DLG2: variants seen among roughly 807,000 people sequenced by gnomAD.
DLG2 encodes discs large MAGUK scaffold protein 2.
In DLG2, 45 loss-of-function variants were observed where a neutral mutation model predicts 132.5. The observed-to-expected ratio is 0.34, with a 90% confidence interval of 0.27 to 0.44. The LOEUF (loss-of-function observed/expected upper bound fraction) is 0.44. Ranked by LOEUF, DLG2 falls within the 20% of genes least tolerant of loss-of-function variation. DLG2 has a pLI of 1.00. For synonymous variants in DLG2, 424 were observed against 419.6 expected (o/e 1.01, Z -0.13); for missense variants, 1,045 against 1,196.9 (o/e 0.87, Z 1.87).
At chr11:84,915,886 A>G (rs574336697) in intron 6 of DLG2, among the ~76,000 whole-genome samples, 118 of 152,214 alleles carry the variant, frequency 7.8e-4, no homozygotes, top group Admixed American at 1.4e-3. Context: ...AAAAATACAT[A>G]TAAGAGACAC....
At chr11:84,183,775 T>A (rs12791194) in intron 8 of DLG2, among the ~76,000 whole-genome samples, 9,814 of 152,098 alleles carry the variant, frequency 0.065, 389 homozygotes, top group African/African-American at 0.1. Context: ...CCTTCCTGTG[T>A]CCATGTGTTC....
At chr11:85,070,523 C>G (rs2065685021) in intron 6 of DLG2, among the ~76,000 whole-genome samples, 1 of 151,668 alleles carries the variant, frequency 6.6e-6, no homozygotes, top group African/African-American at 2.4e-5. Flanking sequence ...AACCAATGCA[C>G]AATATATTCA....
chr11:84,766,359 T>C (rs973304465), intron 6 of DLG2, among the ~76,000 whole-genome samples: 1 of 152,048 alleles, frequency 6.6e-6, no homozygotes, highest in African/African-American at 2.4e-5. Context: ...TAATTTTACA[T>C]CTATTTGAAA....
intron 6 of DLG2, among the ~76,000 whole-genome samples, chr11:84,743,315 G>A: frequency 6.6e-6 from 1 of 152,074 alleles, no homozygotes; most frequent in Non-Finnish European, 1.5e-5. Context: ...TAAAAATCAA[G>A]AAGTTATCTA....
At chr11:85,287,877 A>T (rs567556721) in intron 3 of DLG2, among the ~76,000 whole-genome samples, 70 of 152,274 alleles carry the variant, frequency 4.6e-4, no homozygotes, top group African/African-American at 1.5e-3. Flanking sequence ...AGCAAGTTGC[A>T]ATATGAAAAA....
chr11:84,182,551 GA>G (rs1212164350), intron 8 of DLG2, among the ~76,000 whole-genome samples: 1 of 141,972 alleles, frequency 7.0e-6, no homozygotes, highest in African/African-American at 2.7e-5. Flanking sequence ...AAAAGAAAAA[GA>G]AAAAGAATAG....
chr11:84,474,019 G>A (rs766487132), intron 7 of DLG2, among the ~76,000 whole-genome samples: 12 of 151,938 alleles, frequency 7.9e-5, no homozygotes, highest in Non-Finnish European at 1.3e-4. Flanking sequence ...ATGTCATCCT[G>A]CCACAATGAG....
intron 3 of DLG2, among the ~76,000 whole-genome samples, chr11:85,392,124 G>A (rs1175547418): frequency 5.3e-5 from 8 of 151,976 alleles, no homozygotes. Context: ...AAAATTAGTG[G>A]CTCTGCTATA....
At chr11:83,735,949 A>G (rs2091838929) in intron 18 of DLG2, among the ~76,000 whole-genome samples, 1 of 152,206 alleles carries the variant, frequency 6.6e-6, no homozygotes, top group African/African-American at 2.4e-5. Context: ...AACTCCAGCA[A>G]CATCCAGAAA....
intron 3 of DLG2, among the ~76,000 whole-genome samples, chr11:85,336,785 T>G (rs1194489161): frequency 6.6e-6 from 1 of 152,228 alleles, no homozygotes; most frequent in Non-Finnish European, 1.5e-5. Flanking sequence ...CTGAGCAATT[T>G]TGGTCTTATG....
intron 3 of DLG2, among the ~76,000 whole-genome samples, chr11:85,374,493 C>G (rs550034264): frequency 6.6e-6 from 1 of 152,288 alleles, no homozygotes; most frequent in East Asian, 1.9e-4. Context: ...TGTCCTACAG[C>G]CACACCTGGC....
intron 3 of DLG2, among the ~76,000 whole-genome samples, chr11:85,451,786 G>A (rs1597439285): frequency 1.3e-5 from 2 of 152,258 alleles, no homozygotes; most frequent in South Asian, 2.1e-4. Flanking sequence ...TTGGCCCCAA[G>A]CAATCCTCTT....
chr11:84,092,672 G>A (rs2097109537), intron 10 of DLG2, among the ~76,000 whole-genome samples: 1 of 152,036 alleles, frequency 6.6e-6, no homozygotes. Context: ...ACTTTATATT[G>A]GCTATGATTT....
intron 14 of DLG2, among the ~76,000 whole-genome samples, chr11:83,946,326 A>G (rs541668108): frequency 4.4e-4 from 67 of 152,282 alleles, no homozygotes; most frequent in African/African-American, 1.5e-3. Flanking sequence ...CAAAGACACA[A>G]TGAATTTAAG....
intron 3 of DLG2, among the ~76,000 whole-genome samples, chr11:85,429,532 C>A (rs1362977944): frequency 6.6e-6 from 1 of 152,018 alleles, no homozygotes; most frequent in Non-Finnish European, 1.5e-5. Flanking sequence ...ACAACCCCAC[C>A]AAAAAGTGGG....
chr11:85,222,785 A>T (rs1392760263), intron 4 of DLG2, among the ~76,000 whole-genome samples: 2 of 152,184 alleles, frequency 1.3e-5, no homozygotes, highest in African/African-American at 2.4e-5. Flanking sequence ...ATTGTACCAC[A>T]TTGCCTTCTG....
intron 16 of DLG2, among the ~76,000 whole-genome samples, chr11:83,853,644 G>T (rs543864250): frequency 5.9e-5 from 9 of 152,166 alleles, no homozygotes; most frequent in African/African-American, 2.2e-4. Flanking sequence ...TTTACTTTGT[G>T]AGTTAGTGTC....
chr11:83,698,343 A>T (rs2082282832), intron 18 of DLG2, among the ~76,000 whole-genome samples: 1 of 152,208 alleles, frequency 6.6e-6, no homozygotes, highest in African/African-American at 2.4e-5. Flanking sequence ...TTTCATTTTC[A>T]TATAATTATA....
intron 3 of DLG2, among the ~76,000 whole-genome samples, chr11:85,368,348 T>C (rs543101284): frequency 6.6e-6 from 1 of 152,356 alleles, no homozygotes; most frequent in East Asian, 1.9e-4. Flanking sequence ...CCATCACTTC[T>C]CAATAAATTG....
Sources: gnomAD v4.1 joint callset for allele counts (sites outside exome capture counted in the v4.1 genomes callset) on GRCh38, gnomAD v4.1.1 for gene constraint, MANE v1.5 for transcripts, NCBI Gene and HGNC (gene_info 2026-07-23, HGNC 2026-07-21) for gene names.